The following PIWIL2 variants were observed in gnomAD, a reference collection of about 807,000 sequenced individuals.
PIWIL2 encodes the protein piwi like RNA-mediated gene silencing 2, also known as piwi-like protein 2.
Under a neutral mutation model 116.5 loss-of-function variants are expected in PIWIL2, and 81 were observed. That is an observed-to-expected ratio of 0.70 (90% CI 0.58 to 0.84). PIWIL2 has a LOEUF of 0.84. Among genes scored for constraint, PIWIL2 ranks in the 40% least tolerant of loss-of-function variants. PIWIL2 has a pLI of 0.00. For missense variants in PIWIL2, 1,272 were observed against 1,212.3 expected (o/e 1.05, Z -0.73); for synonymous variants, 489 against 429.5 (o/e 1.14, Z -1.71).
intron 20 of PIWIL2, among the ~76,000 whole-genome samples, chr8:22,349,432 T>TAA (rs1206364927): frequency 1.4e-5 from 2 of 147,346 alleles, no homozygotes; most frequent in Non-Finnish European, 3.0e-5. Flanking sequence ...TATATATATA[T>TAA]ATATATATAT....
At chr8:22,334,026 T>G (rs1222162201) in intron 20 of PIWIL2, among the ~76,000 whole-genome samples, 1 of 150,528 alleles carries the variant, frequency 6.6e-6, no homozygotes, top group Non-Finnish European at 1.5e-5. Context: ...CTGGATGGAG[T>G]GCAGTGGTAG....
At chr8:22,316,197 C>T in intron 18 of PIWIL2, 48 bp from the exon 19 acceptor site, 1 of 1,088,508 alleles carries the variant, frequency 9.2e-7, no homozygotes, top group East Asian at 2.4e-5. Context: ...TGGAGGAATG[C>T]ATTGCTCAGG....
chr8:22,314,500 G>T, intron 17 of PIWIL2, 71 bp downstream of exon 17: 1 of 696,352 alleles, frequency 1.4e-6, no homozygotes, highest in East Asian at 2.8e-5. Flanking sequence ...AGAGGGATAT[G>T]TGTGTTCACA....
chr8:22,349,417 G>GTATATATATATATATATATA (rs1431825878), intron 20 of PIWIL2, among the ~76,000 whole-genome samples: 19 of 134,588 alleles, frequency 1.4e-4, no homozygotes, highest in Non-Finnish European at 2.4e-4. Flanking sequence ...ATATGTGTGT[G>GTATATATATATATATATATA]TGTATATATA....
chr8:22,277,372 A>G (rs1023087888), intron 1 of PIWIL2, among the ~76,000 whole-genome samples: 3 of 152,268 alleles, frequency 2.0e-5, no homozygotes, highest in East Asian at 3.9e-4. Context: ...TAGATTTGGT[A>G]GGGAAGCCAG....
At chr8:22,283,444 T>C (rs1050322199) in intron 5 of PIWIL2, among the ~76,000 whole-genome samples, 6 of 152,376 alleles carry the variant, frequency 3.9e-5, no homozygotes, top group African/African-American at 1.4e-4. Context: ...AGTCTCACTC[T>C]GTCGCCCAGG....
chr8:22,350,549 A>G (rs1188647613), intron 20 of PIWIL2, among the ~76,000 whole-genome samples: 1 of 152,110 alleles, frequency 6.6e-6, no homozygotes, highest in Non-Finnish European at 1.5e-5. Flanking sequence ...GTGAGCAGAG[A>G]TGGTGCCACT....
At chr8:22,346,908 G>A (rs73227817) in intron 20 of PIWIL2, among the ~76,000 whole-genome samples, 1,636 of 152,120 alleles carry the variant, frequency 0.011, 18 homozygotes, top group Non-Finnish European at 0.015. Flanking sequence ...GGGCATAGCC[G>A]CTCGTGGCTG....
chr8:22,286,873 C>T (rs567200650), intron 6 of PIWIL2, among the ~76,000 whole-genome samples: 4 of 151,872 alleles, frequency 2.6e-5, no homozygotes, highest in Admixed American at 6.6e-5. Flanking sequence ...TCACCCACCT[C>T]GGCCTCCCAA....
intron 20 of PIWIL2, among the ~76,000 whole-genome samples, chr8:22,346,784 TG>T (rs1832236763): frequency 6.6e-6 from 1 of 152,178 alleles, no homozygotes; most frequent in South Asian, 2.1e-4. Flanking sequence ...TAGTGGTGCA[TG>T]CCTGTAGGCG....
chr8:22,311,825 A>G (rs1831338643), intron 16 of PIWIL2, among the ~76,000 whole-genome samples: 1 of 152,224 alleles, frequency 6.6e-6, no homozygotes, highest in African/African-American at 2.4e-5. Flanking sequence ...AACAAGAGGA[A>G]TAGGGAGAGA....
intron 3 of PIWIL2, 45 bp from the exon 4 acceptor site, chr8:22,281,332 A>T: frequency 6.3e-7 from 1 of 1,579,162 alleles, no homozygotes; most frequent in Non-Finnish European, 8.5e-7. Flanking sequence ...ACTTTAAAAC[A>T]CGTTTAAGTC....
chr8:22,302,743 A>C (rs1031005956), intron 10 of PIWIL2, among the ~76,000 whole-genome samples: 4 of 151,208 alleles, frequency 2.6e-5, no homozygotes, highest in African/African-American at 9.7e-5. Flanking sequence ...GAATGCTTTC[A>C]AAATTAAATG....
intron 20 of PIWIL2, among the ~76,000 whole-genome samples, chr8:22,327,979 T>C (rs534137949): frequency 6.6e-5 from 10 of 152,312 alleles, no homozygotes; most frequent in African/African-American, 2.2e-4. Flanking sequence ...CTATTGTATC[T>C]TTTGTTCCTT....
intron 20 of PIWIL2, among the ~76,000 whole-genome samples, chr8:22,351,469 A>ATATATATATATATATATATATATATG (rs1832358582): frequency 9.1e-6 from 1 of 109,704 alleles, no homozygotes; most frequent in African/African-American, 3.5e-5. Flanking sequence ...ATATATATAT[A>ATATATATATATATATATATATATATG]TATATATATA....
intron 22 of PIWIL2, among the ~76,000 whole-genome samples, 193 bp downstream of exon 22, chr8:22,354,571 T>G (rs1312987262): frequency 6.6e-6 from 1 of 152,194 alleles, no homozygotes; most frequent in Non-Finnish European, 1.5e-5. Context: ...TTAAAGAGCT[T>G]TAAAAAATAT....
chr8:22,276,366 A>T (rs982764663), intron 1 of PIWIL2, among the ~76,000 whole-genome samples: 4 of 152,218 alleles, frequency 2.6e-5, no homozygotes, highest in African/African-American at 9.7e-5. Context: ...CGCAGGCTGG[A>T]GTGCAGTGGC....
At chr8:22,312,265 CAAAAAAAA>C (rs56133501) in intron 16 of PIWIL2, among the ~76,000 whole-genome samples, 11 of 130,112 alleles carry the variant, frequency 8.5e-5, no homozygotes, top group Non-Finnish European at 1.6e-4. Flanking sequence ...ACCTTTTCTC[CAAAAAAAA>C]AAAAAAAAAT....
intron 20 of PIWIL2, among the ~76,000 whole-genome samples, chr8:22,350,970 ATC>A (rs1389798184): frequency 6.6e-6 from 1 of 152,108 alleles, no homozygotes; most frequent in Non-Finnish European, 1.5e-5. Context: ...GCAAAACCCC[ATC>A]TCTACTAAGA....
Sources: gnomAD v4.1 joint callset for allele counts (sites outside exome capture counted in the v4.1 genomes callset) on GRCh38, gnomAD v4.1.1 for gene constraint, MANE v1.5 for transcripts, NCBI Gene and HGNC (gene_info 2026-07-23, HGNC 2026-07-21) for gene names.